The following TBXAS1 variants were observed in gnomAD, a reference collection of about 807,000 sequenced individuals.
TBXAS1 encodes the protein thromboxane A synthase 1, also known as thromboxane-A synthase.
TBXAS1 carries 48 observed loss-of-function variants against 60.7 expected under a neutral mutation model. That is an observed-to-expected ratio of 0.79 (90% CI 0.63 to 1.01). The LOEUF is 1.01. Among genes scored for constraint, TBXAS1 ranks in the 50% least tolerant of loss-of-function variants. The probability of loss-of-function intolerance (pLI) is 0.00; values close to 1 mark genes in which losing one functional copy is unlikely to be tolerated. For missense variants in TBXAS1, 685 were observed against 686.3 expected, an observed-to-expected ratio of 1.00 and a Z score of 0.02; for synonymous variants, 287 against 269.7, an observed-to-expected ratio of 1.06 and a Z score of -0.63.
chr7:139,952,463 C>G (rs1809488074), intron 5 of TBXAS1: 9 of 1,419,020 alleles, frequency 6.3e-6, no homozygotes, highest in Non-Finnish European at 8.4e-6. Context: ...GAGAAATGCT[C>G]AGAATGATGT....
Position 139,977,292 on chromosome 7 carries a change from C to G in TBXAS1, c.1134+15059C>G, listed in dbSNP as rs137866206. On this transcript the variant is annotated intron_variant, in intron 9 of 12. Coordinates refer to ENST00000448866, the MANE Select transcript of TBXAS1 (RefSeq NM_001061.7). ...AATCATGGTGGAAGGCAAAGAGGAG[C>G]AAGTCACATCTTACGTGGATGGCGG... 2.0e-5 allele frequency among the ~76,000 whole-genome samples: 3 copies of G among 152,268 alleles called. No homozygotes were observed. In the East Asian group the frequency reaches 5.8e-4, roughly 29 times the overall value.
intron 1 of TBXAS1, among the ~76,000 whole-genome samples, chr7:139,843,332 A>C (rs1207674762): frequency 1.4e-5 from 2 of 148,052 alleles, no homozygotes; most frequent in Non-Finnish European, 3.0e-5. Context: ...TTATTTATTT[A>C]TTTATTTATT....
chr7:139,936,484 G>A (rs1048857502), intron 5 of TBXAS1, among the ~76,000 whole-genome samples, 177 bp downstream of exon 5: 2 of 152,186 alleles, frequency 1.3e-5, no homozygotes, highest in Non-Finnish European at 2.9e-5. Flanking sequence ...TGTGTTGAGC[G>A]TCTTTCGTCT....
intron 1 of TBXAS1, among the ~76,000 whole-genome samples, chr7:139,858,892 G>A (rs755947834): frequency 9.9e-5 from 15 of 151,996 alleles, no homozygotes; most frequent in Admixed American, 2.6e-4. Context: ...TTTTGAGAAG[G>A]AGTTTTGCTC....
At position 139,900,992 on chromosome 7, in the gene TBXAS1, G is replaced by T. The variant is rs189929939; in HGVS notation, c.237-10233G>T. On this transcript the variant is annotated intron_variant, in intron 3 of 12. Transcript: ENST00000448866. ...CCCACCACCATGACCAGAGGGGCAG[G>T]GTTCTATCACTGAGAGCTCCTTCAG... 5.1e-3 allele frequency among the ~76,000 whole-genome samples: 777 copies of T among 152,236 alleles called. 8 individuals carry two copies. Among genetic ancestry groups the T allele is most frequent in the Non-Finnish European group, 8.9e-3 (605 of 68,024 alleles).
intron 7 of TBXAS1, among the ~76,000 whole-genome samples, chr7:139,956,634 T>C (rs563149401): frequency 2.6e-5 from 4 of 152,354 alleles, no homozygotes; most frequent in African/African-American, 9.6e-5. Context: ...TGAGCCGATG[T>C]CCATGGGAGC....
chr7:140,018,242 G>C (rs139280949), intron 12 of TBXAS1, among the ~76,000 whole-genome samples: 1 of 152,168 alleles, frequency 6.6e-6, no homozygotes, highest in Non-Finnish European at 1.5e-5. Flanking sequence ...GGTGGGGGGT[G>C]CATGGCTTGT....
chr7:139,804,944 A>G (rs1440891265), intron 4 of TBXAS1, among the ~76,000 whole-genome samples: 1 of 152,244 alleles, frequency 6.6e-6, no homozygotes, highest in Non-Finnish European at 1.5e-5. Flanking sequence ...TTTTGGAATG[A>G]GGAAAGATCT....
intron 9 of TBXAS1, among the ~76,000 whole-genome samples, chr7:139,966,466 A>G (rs1297218969): frequency 6.6e-6 from 1 of 152,116 alleles, no homozygotes; most frequent in Non-Finnish European, 1.5e-5. Context: ...GCCCTGTCCA[A>G]GTTGTTCTCT....
At chr7:139,805,573 A>T (rs928382841) in intron 4 of TBXAS1, among the ~76,000 whole-genome samples, 12 of 152,088 alleles carry the variant, frequency 7.9e-5, no homozygotes, top group African/African-American at 2.9e-4. Context: ...AATATCTAGA[A>T]TGAAAGTCTA....
At chr7:140,012,227 G>A (rs191310612) in intron 10 of TBXAS1, among the ~76,000 whole-genome samples, 112 of 152,350 alleles carry the variant, frequency 7.4e-4, no homozygotes, top group Admixed American at 6.3e-3. Context: ...CTGGAAGGTA[G>A]GAGGCAGGAA....
intron 9 of TBXAS1, among the ~76,000 whole-genome samples, chr7:139,971,540 G>A (rs1002234030): frequency 2.0e-5 from 3 of 152,168 alleles, no homozygotes; most frequent in African/African-American, 4.8e-5. Flanking sequence ...GGATACCTGC[G>A]GGAAGGCAGG....
intron 4 of TBXAS1, among the ~76,000 whole-genome samples, chr7:139,807,838 GC>G (rs150515234): frequency 0.012 from 1,875 of 152,160 alleles, 31 homozygotes; most frequent in African/African-American, 0.042. Flanking sequence ...CCATGGCCTT[GC>G]CCCTGTCTGC....
At chr7:139,968,175 C>T (rs1052179178) in intron 9 of TBXAS1, among the ~76,000 whole-genome samples, 3 of 152,256 alleles carry the variant, frequency 2.0e-5, no homozygotes, top group African/African-American at 4.8e-5. Flanking sequence ...TCCGCACATC[C>T]TGTCTGGCAA....
chr7:139,990,717 C>T (rs1326094381), intron 9 of TBXAS1, among the ~76,000 whole-genome samples: 1 of 151,664 alleles, frequency 6.6e-6, no homozygotes, highest in African/African-American at 2.4e-5. Flanking sequence ...CCCCCACTAC[C>T]ACTCTCATCT....
chr7:139,923,769 C>A (rs994905644), intron 4 of TBXAS1, among the ~76,000 whole-genome samples: 1 of 151,896 alleles, frequency 6.6e-6, no homozygotes, highest in Non-Finnish European at 1.5e-5. Context: ...CACCCATTAA[C>A]CATCCCCACC....
Position 139,876,874 on chromosome 7 carries a change from C to T in TBXAS1, c.236+1237C>T, listed in dbSNP as rs151033336. On this transcript the variant is annotated intron_variant, in intron 3 of 12. Transcript: ENST00000448866. Reference sequence around the variant, plus strand: ...TAAGCTGCACTTGGCTGGATGGCTCCGCTGGACTTCTGGGTGTATCTGCTG... The same window carrying T: ...TAAGCTGCACTTGGCTGGATGGCTCTGCTGGACTTCTGGGTGTATCTGCTG... Among the ~76,000 whole-genome samples the T allele has an allele frequency of 3.9e-3, 592 of 152,028 alleles. 6 individuals are homozygous for T. The highest frequency in any genetic ancestry group is 5.6e-3 in the South Asian group (27 of 4,812).
chr7:139,816,924 G>A (rs1048832074), intron 4 of TBXAS1, among the ~76,000 whole-genome samples: 12 of 152,144 alleles, frequency 7.9e-5, no homozygotes, highest in African/African-American at 2.9e-4. Context: ...CTAGTCACCT[G>A]TGAGCTGCGT....
intron 5 of TBXAS1, among the ~76,000 whole-genome samples, chr7:139,942,620 A>G (rs1808381106): frequency 6.6e-6 from 1 of 152,228 alleles, no homozygotes; most frequent in African/African-American, 2.4e-5. Flanking sequence ...TACCCCATTG[A>G]GCAGATATGG....
Sources: allele counts gnomAD v4.1 joint callset (sites outside exome capture counted in the v4.1 genomes callset), GRCh38; gene constraint gnomAD v4.1.1; transcripts MANE v1.5; gene names NCBI Gene and HGNC (gene_info 2026-07-23, HGNC 2026-07-21).